The following RYR2 variants were observed in gnomAD, a reference collection of about 807,000 sequenced individuals.
RYR2 encodes cardiac muscle ryanodine receptor-calcium release channel.
In RYR2, 227 loss-of-function variants were observed where a neutral mutation model predicts 601.1. The ratio of observed to expected loss-of-function variants is 0.38; its 90% CI spans 0.34 to 0.42. RYR2 has a LOEUF of 0.42. RYR2 is among the 10% of genes least tolerant of loss of function. The pLI, the probability that RYR2 is intolerant of heterozygous loss-of-function variation, is 1.00. For synonymous variants in RYR2, 2,223 were observed against 2,175.1 expected (o/e 1.02, Z -0.61); for missense variants, 4,646 against 6,156.5 (o/e 0.75, Z 8.21).
intron 3 of RYR2, among the ~76,000 whole-genome samples, chr1:237,345,657 T>C (rs1698241673): frequency 2.0e-5 from 3 of 152,184 alleles, no homozygotes; most frequent in East Asian, 1.9e-4. Context: ...TGATGATTTC[T>C]TTCCTTATAT....
chr1:237,406,526 A>G (rs552802064), intron 10 of RYR2, among the ~76,000 whole-genome samples: 40 of 152,032 alleles, frequency 2.6e-4, no homozygotes, highest in African/African-American at 9.6e-4. Context: ...ACACATTTGT[A>G]GCTCTCCATC....
At chr1:237,765,826 G>A (rs1441677321) in intron 84 of RYR2, among the ~76,000 whole-genome samples, 1 of 152,174 alleles carries the variant, frequency 6.6e-6, no homozygotes, top group East Asian at 1.9e-4. Flanking sequence ...TTAAATTAGA[G>A]TGACTATTAT....
rs1014160313 is a variant in RYR2, at chr1:237,781,513, C to T, written c.11881-52C>T. On this transcript the variant is annotated intron_variant, in intron 88 of 104. Transcript: ENST00000366574. Reference sequence around the variant, plus strand: ...TTTTTGTGAGAATAAGTATGATGTTCCTGCTGCATAGTTTTCTTGTATTAT... The same window carrying T: ...TTTTTGTGAGAATAAGTATGATGTTTCTGCTGCATAGTTTTCTTGTATTAT... 1.3e-5 allele frequency: 11 copies of T among 863,336 alleles called. No homozygotes were observed. In the East Asian group the frequency reaches 2.9e-4, roughly 23 times the overall value. The allele number at this position is 863,336 out of a possible 1,614,324, so 53.5% of individuals were successfully genotyped here. A position where few individuals can be genotyped will look rare whatever the true frequency, so the allele number is the denominator to read the frequency against.
chr1:237,498,336 C>T (rs1465815860), intron 20 of RYR2, among the ~76,000 whole-genome samples: 1 of 152,118 alleles, frequency 6.6e-6, no homozygotes, highest in Non-Finnish European at 1.5e-5. Flanking sequence ...GTCACAGTGC[C>T]TTGTTCCCAC....
chr1:237,832,210 T>A (rs1663877277), intron 104 of RYR2, among the ~76,000 whole-genome samples: 1 of 142,818 alleles, frequency 7.0e-6, no homozygotes, highest in Admixed American at 6.9e-5. Flanking sequence ...GGCTTTTTTT[T>A]GTGTTTTTTT....
intron 62 of RYR2, among the ~76,000 whole-genome samples, chr1:237,681,276 G>A (rs953655123): frequency 6.6e-6 from 1 of 152,186 alleles, no homozygotes; most frequent in East Asian, 1.9e-4. Context: ...TGAATACACA[G>A]TATAAAGCAG....
chr1:237,492,858 A>C, intron 18 of RYR2, 96 bp from the exon 19 acceptor site: 2 of 1,220,154 alleles, frequency 1.6e-6, no homozygotes, highest in Non-Finnish European at 2.2e-6. Context: ...GAAGGAAGGA[A>C]GGAAGGAAGG....
Position 237,832,943 on chromosome 1 carries a change from A to T in RYR2, c.*296A>T. ...ACACATAGATAGATTTTCTTCTGAG[A>T]CTCCCGGAGTCTTCTCGAGCTACGA... On this transcript the variant is annotated 3_prime_UTR_variant, in exon 105 of 105. Transcript: ENST00000366574. 1 of 210,864 alleles carries T rather than the reference A, an allele frequency of 4.7e-6. No individual in the cohort carries two copies. The highest frequency in any genetic ancestry group is 9.6e-6 in the Non-Finnish European group (1 of 104,554). The allele number at this position is 210,864 out of a possible 1,614,324, so 13.1% of individuals were successfully genotyped here.
At chr1:237,696,279 T>C (rs1687424091) in intron 63 of RYR2, among the ~76,000 whole-genome samples, 1 of 152,178 alleles carries the variant, frequency 6.6e-6, no homozygotes, top group East Asian at 1.9e-4. Flanking sequence ...CTCTCTGATT[T>C]GGGGCTGATT....
chr1:237,524,065 T>G (rs2779352), intron 24 of RYR2, among the ~76,000 whole-genome samples: 62 of 152,050 alleles, frequency 4.1e-4, no homozygotes, highest in African/African-American at 1.4e-3. Flanking sequence ...ATGTATCTAC[T>G]CAAGAGAAAT....
At chr1:237,788,261 T>C in intron 92 of RYR2, 126 bp downstream of exon 92, 1 of 677,568 alleles carries the variant, frequency 1.5e-6, no homozygotes, top group Non-Finnish European at 2.5e-6. Flanking sequence ...CAGCACATGT[T>C]TGATTTGCTC....
At chr1:237,582,639 G>A (rs371061934) in intron 29 of RYR2, among the ~76,000 whole-genome samples, 7 of 152,112 alleles carry the variant, frequency 4.6e-5, no homozygotes, top group African/African-American at 1.4e-4. Flanking sequence ...TGAGTACCCA[G>A]TGTTCAGCTC....
At chr1:237,457,338 T>G (rs1422335496) in intron 16 of RYR2, among the ~76,000 whole-genome samples, 1 of 152,190 alleles carries the variant, frequency 6.6e-6, no homozygotes, top group Admixed American at 6.6e-5. Context: ...TGGTTTACCC[T>G]GCATTCCTGT....
intron 67 of RYR2, 87 bp from the exon 68 acceptor site, chr1:237,706,862 C>A (rs1410165500): frequency 8.3e-7 from 1 of 1,197,914 alleles, no homozygotes; most frequent in Non-Finnish European, 1.2e-6. Context: ...TTTTGAAGTC[C>A]AAAATGAAAT....
At chr1:237,761,112 G>C in intron 84 of RYR2, 84 bp downstream of exon 84, 1 of 781,262 alleles carries the variant, frequency 1.3e-6, no homozygotes, top group Non-Finnish European at 2.1e-6. Flanking sequence ...TTCAAGTAGA[G>C]AGATAAGAAG....
At chr1:237,545,268 A>G (rs1043312104) in intron 25 of RYR2, among the ~76,000 whole-genome samples, 1 of 152,270 alleles carries the variant, frequency 6.6e-6, no homozygotes, top group African/African-American at 2.4e-5. Context: ...AGCTTCGCAC[A>G]TTAGCATAAC....
chr1:237,491,189 T>C (rs951212300), intron 17 of RYR2, among the ~76,000 whole-genome samples: 3 of 152,246 alleles, frequency 2.0e-5, no homozygotes, highest in Admixed American at 2.0e-4. Flanking sequence ...TTAATCCCGT[T>C]TTATACATTG....
chr1:237,686,688 G>A (rs1686423813), intron 62 of RYR2, among the ~76,000 whole-genome samples: 2 of 152,138 alleles, frequency 1.3e-5, no homozygotes, highest in African/African-American at 4.8e-5. Context: ...TACCAGCGTT[G>A]TCAGGCTGAA....
intron 27 of RYR2, among the ~76,000 whole-genome samples, chr1:237,557,817 G>T (rs2148170730): frequency 6.6e-6 from 1 of 152,188 alleles, no homozygotes; most frequent in South Asian, 2.1e-4. Context: ...ATACACACTG[G>T]TTGGGAACAC....
Sources: allele counts gnomAD v4.1 joint callset (sites outside exome capture counted in the v4.1 genomes callset), GRCh38; gene constraint gnomAD v4.1.1; transcripts MANE v1.5; gene names NCBI Gene and HGNC (gene_info 2026-07-23, HGNC 2026-07-21).